Variants in RBMS3 observed in about 807,000 individuals in gnomAD.
The protein encoded by RBMS3 is RNA binding motif single stranded interacting protein 3, also known as RNA-binding motif, single-stranded-interacting protein 3.
A neutral mutation model predicts 66.8 loss-of-function variants in RBMS3; 27 were observed. The observed-to-expected ratio is 0.40, with a 90% confidence interval of 0.30 to 0.56. The LOEUF (loss-of-function observed/expected upper bound fraction) is 0.56. RBMS3 is among the 20% of genes least tolerant of loss of function. The probability of loss-of-function intolerance (pLI) is 0.40; values close to 1 mark genes in which losing one functional copy is unlikely to be tolerated. For missense variants in RBMS3, 513 were observed against 549.5 expected (o/e 0.93, Z 0.66); for synonymous variants, 188 against 183.0 (o/e 1.03, Z -0.22).
At chr3:29,579,960 C>T (rs1384737790) in intron 3 of RBMS3, among the ~76,000 whole-genome samples, 1 of 152,146 alleles carries the variant, frequency 6.6e-6, no homozygotes, top group African/African-American at 2.4e-5. Flanking sequence ...AGCAATTTCT[C>T]TCATTTAAAA....
rs1323112231 is a variant in RBMS3 at position 30,008,129 on chromosome 3, C to G, written c.*4267C>G. 1 of 148,582 alleles carries G rather than the reference C, an allele frequency of 6.7e-6. No homozygotes were observed. Among genetic ancestry groups the G allele is most frequent in the Non-Finnish European group, 1.5e-5 (1 of 67,794 alleles). 9.2% of individuals were successfully genotyped at this position (148,582 alleles called of 1,614,324 possible). Reference sequence around the variant, plus strand: ...AATAATTGGGATATTTGCTAAATACCTATTTTTTTTTACAGTGGCCTAAAA... The same window carrying G: ...AATAATTGGGATATTTGCTAAATACGTATTTTTTTTTACAGTGGCCTAAAA... On this transcript the variant is annotated 3_prime_UTR_variant, in exon 15 of 15. Coordinates refer to ENST00000383767, the MANE Select transcript of RBMS3 (RefSeq NM_001003793.3).
At chr3:29,634,953 G>C (rs1422170689) in intron 4 of RBMS3, among the ~76,000 whole-genome samples, 1 of 151,836 alleles carries the variant, frequency 6.6e-6, no homozygotes, top group African/African-American at 2.4e-5. Flanking sequence ...GCTCTAACTA[G>C]AAGCATTCTG....
chr3:29,938,452 G>C (rs1316554162), intron 11 of RBMS3, among the ~76,000 whole-genome samples: 3 of 151,820 alleles, frequency 2.0e-5, no homozygotes, highest in Non-Finnish European at 4.4e-5. Context: ...TGCATTACCT[G>C]ATGTTATGGA....
intron 1 of RBMS3, among the ~76,000 whole-genome samples, chr3:29,359,565 T>C (rs1329407497): frequency 6.6e-6 from 1 of 152,156 alleles, no homozygotes; most frequent in Non-Finnish European, 1.5e-5. Context: ...CCTCATAAAG[T>C]GAGTTAGGGA....
intron 4 of RBMS3, among the ~76,000 whole-genome samples, chr3:29,693,774 G>C (rs957691433): frequency 2.0e-5 from 3 of 152,062 alleles, no homozygotes; most frequent in Non-Finnish European, 4.4e-5. Context: ...TCAATGATTT[G>C]ATCAATAATT....
intron 1 of RBMS3, among the ~76,000 whole-genome samples, chr3:29,359,414 A>T (rs911259606): frequency 6.6e-6 from 1 of 152,110 alleles, no homozygotes; most frequent in Admixed American, 6.5e-5. Flanking sequence ...ATCATGGTGG[A>T]TAAGTTTTTG....
At chr3:29,614,121 A>G (rs2048579345) in intron 4 of RBMS3, among the ~76,000 whole-genome samples, 1 of 152,188 alleles carries the variant, frequency 6.6e-6, no homozygotes, top group Admixed American at 6.5e-5. Context: ...GTGTATATAC[A>G]CAGTGGAATA....
At chr3:29,961,102 C>T (rs143583359) in intron 12 of RBMS3, among the ~76,000 whole-genome samples, 404 of 152,206 alleles carry the variant, frequency 2.7e-3, no homozygotes, top group Non-Finnish European at 4.9e-3. Flanking sequence ...TGCTGTGTCA[C>T]CTCTTGAATA....
chr3:29,311,374 C>T (rs571294930), intron 1 of RBMS3, among the ~76,000 whole-genome samples: 1 of 151,790 alleles, frequency 6.6e-6, no homozygotes, highest in African/African-American at 2.4e-5. Context: ...TATAGCCAGC[C>T]CTCAAGGAGA....
chr3:29,610,769 G>A (rs966872396), intron 4 of RBMS3, among the ~76,000 whole-genome samples: 1 of 152,064 alleles, frequency 6.6e-6, no homozygotes, highest in Admixed American at 6.6e-5. Context: ...GCTGTGAATA[G>A]AGCATGACAC....
At chr3:29,812,563 G>A (rs2057758639) in intron 6 of RBMS3, among the ~76,000 whole-genome samples, 1 of 152,226 alleles carries the variant, frequency 6.6e-6, no homozygotes, top group African/African-American at 2.4e-5. Context: ...GGTTGCAAAA[G>A]CAGGAGATTG....
At chr3:29,617,153 A>G (rs957939124) in intron 4 of RBMS3, 1 of 152,222 alleles carries the variant, frequency 6.6e-6, no homozygotes, top group East Asian at 1.9e-4. Flanking sequence ...AAGAGAAAGA[A>G]TGTCTTTGTA....
At chr3:29,664,221 G>A (rs1002241750) in intron 4 of RBMS3, among the ~76,000 whole-genome samples, 2 of 152,118 alleles carry the variant, frequency 1.3e-5, no homozygotes, top group African/African-American at 2.4e-5. Context: ...CAGGCACGGC[G>A]ACGCATGCTT....
intron 4 of RBMS3, among the ~76,000 whole-genome samples, chr3:29,652,830 A>G (rs1375603146): frequency 2.6e-5 from 4 of 152,166 alleles, no homozygotes; most frequent in African/African-American, 4.8e-5. Context: ...AAACTTCACA[A>G]GTATTGATGT....
At chr3:29,468,270 G>A (rs1437425206) in intron 2 of RBMS3, among the ~76,000 whole-genome samples, 3 of 152,164 alleles carry the variant, frequency 2.0e-5, no homozygotes, top group African/African-American at 7.2e-5. Flanking sequence ...CAGTGGACCA[G>A]AAGATCTCTA....
chr3:29,827,335 A>G (rs1484463252), intron 6 of RBMS3, among the ~76,000 whole-genome samples: 1 of 152,204 alleles, frequency 6.6e-6, no homozygotes, highest in African/African-American at 2.4e-5. Flanking sequence ...TTTTGAATGC[A>G]ATGGTTCTTT....
At chr3:29,884,422 TTCTCTC>T (rs571002730) in intron 8 of RBMS3, among the ~76,000 whole-genome samples, 96 of 41,870 alleles carry the variant, frequency 2.3e-3, no homozygotes, top group East Asian at 3.8e-3. Context: ...TTAAACCCTG[TTCTCTC>T]TCTCTCTCTC....
chr3:29,900,549 A>G (rs2149608996), intron 10 of RBMS3, among the ~76,000 whole-genome samples: 1 of 151,842 alleles, frequency 6.6e-6, no homozygotes, highest in African/African-American at 2.4e-5. Flanking sequence ...TAGAAGTGCG[A>G]GATAGAGATT....
At chr3:29,282,317 G>A (rs562296884) in intron 1 of RBMS3, among the ~76,000 whole-genome samples, 2 of 152,218 alleles carry the variant, frequency 1.3e-5, no homozygotes, top group African/African-American at 4.8e-5. Flanking sequence ...TTTATTTTAT[G>A]TTGAGGATGA....
Sources: gnomAD v4.1 joint callset for allele counts (sites outside exome capture counted in the v4.1 genomes callset) on GRCh38, gnomAD v4.1.1 for gene constraint, MANE v1.5 for transcripts, NCBI Gene and HGNC (gene_info 2026-07-23, HGNC 2026-07-21) for gene names.